CPA6: variants seen among roughly 807,000 people sequenced by gnomAD.
CPA6 encodes the protein carboxypeptidase A6.
A neutral mutation model predicts 63.3 loss-of-function variants in CPA6; 58 were observed. The ratio of observed to expected loss-of-function variants is 0.92; its 90% confidence interval spans 0.74 to 1.14. The LOEUF (loss-of-function observed/expected upper bound fraction) is 1.14, where lower values mean the gene tolerates loss of function less well. Ranked by LOEUF, CPA6 falls within the 50% of genes most tolerant of loss-of-function variation. The pLI is 0.00. For synonymous variants in CPA6, 185 were observed against 179.0 expected (o/e 1.03, Z -0.27); for missense variants, 565 against 526.6 (o/e 1.07, Z -0.71).
intron 8 of CPA6, among the ~76,000 whole-genome samples, chr8:67,471,240 G>A (rs1275773737): frequency 1.3e-5 from 2 of 151,942 alleles, no homozygotes; most frequent in Admixed American, 6.6e-5. Context: ...CCTCCCAAGC[G>A]TCATCAGGGT....
chr8:67,724,092 A>C (rs953299936), intron 1 of CPA6, among the ~76,000 whole-genome samples: 5 of 152,108 alleles, frequency 3.3e-5, no homozygotes, highest in Non-Finnish European at 7.3e-5. Flanking sequence ...AAAAAAACCC[A>C]AAAATGAGCA....
chr8:67,653,401 A>G (rs1259102710), intron 1 of CPA6, among the ~76,000 whole-genome samples: 2 of 151,690 alleles, frequency 1.3e-5, no homozygotes, highest in Non-Finnish European at 2.9e-5. Flanking sequence ...ATTTGTTTGT[A>G]TCCTCTTTTA....
chr8:67,685,509 C>A (rs1313677503), intron 1 of CPA6, among the ~76,000 whole-genome samples: 1 of 152,166 alleles, frequency 6.6e-6, no homozygotes, highest in African/African-American at 2.4e-5. Flanking sequence ...GTTCCAGCTA[C>A]TAGGGAGGCT....
chr8:67,661,876 G>T (rs147922493), intron 1 of CPA6, among the ~76,000 whole-genome samples: 2 of 152,140 alleles, frequency 1.3e-5, no homozygotes, highest in African/African-American at 4.8e-5. Flanking sequence ...GTCTTTCTGC[G>T]TCTAGTTTAC....
At chr8:67,612,590 TA>T (rs754036359) in intron 2 of CPA6, among the ~76,000 whole-genome samples, 3 of 152,236 alleles carry the variant, frequency 2.0e-5, no homozygotes, top group African/African-American at 4.8e-5. Context: ...GATGATCAGA[TA>T]GCCTCAAAGC....
chr8:67,726,019 A>AT (rs1021675451), intron 1 of CPA6, among the ~76,000 whole-genome samples: 1 of 152,132 alleles, frequency 6.6e-6, no homozygotes, highest in African/African-American at 2.4e-5. Flanking sequence ...CAAATTTAAG[A>AT]TTTTTCAACA....
intron 1 of CPA6, among the ~76,000 whole-genome samples, chr8:67,713,129 A>G (rs1817306715): frequency 7.5e-6 from 1 of 133,758 alleles, no homozygotes; most frequent in African/African-American, 2.9e-5. Context: ...ATATATATAT[A>G]TATATATATA....
chr8:67,621,759 C>T (rs1815088381), intron 2 of CPA6, among the ~76,000 whole-genome samples: 1 of 152,206 alleles, frequency 6.6e-6, no homozygotes, highest in South Asian at 2.1e-4. Context: ...CTGCTCCCTT[C>T]TTTCTCACCA....
At chr8:67,538,670 T>C (rs1812640953) in intron 2 of CPA6, among the ~76,000 whole-genome samples, 2 of 152,172 alleles carry the variant, frequency 1.3e-5, no homozygotes, top group Non-Finnish European at 2.9e-5. Flanking sequence ...GTCTGTGTCT[T>C]TTTTTTCTTG....
chr8:67,596,821 T>C (rs746810510), intron 2 of CPA6, among the ~76,000 whole-genome samples: 1 of 152,226 alleles, frequency 6.6e-6, no homozygotes, highest in Non-Finnish European at 1.5e-5. Flanking sequence ...TTGTGTTTCA[T>C]GACCTTGACA....
intron 10 of CPA6, among the ~76,000 whole-genome samples, chr8:67,426,441 G>GT (rs796386851): frequency 8.4e-4 from 124 of 147,118 alleles, no homozygotes; most frequent in East Asian, 2.6e-3. Flanking sequence ...TTTAAATACA[G>GT]TTTTTTTTTT....
chr8:67,677,379 G>A (rs1330652888), intron 1 of CPA6, among the ~76,000 whole-genome samples: 2 of 142,202 alleles, frequency 1.4e-5, no homozygotes, highest in African/African-American at 2.7e-5. Flanking sequence ...TGCTGGAAAA[G>A]GGGAAGATAT....
At chr8:67,486,742 T>A (rs1811486100) in intron 6 of CPA6, among the ~76,000 whole-genome samples, 1 of 152,186 alleles carries the variant, frequency 6.6e-6, no homozygotes, top group South Asian at 2.1e-4. Flanking sequence ...AGAACTCAGC[T>A]CTGAGATCAT....
At chr8:67,526,129 T>G (rs989650177) in intron 2 of CPA6, among the ~76,000 whole-genome samples, 2 of 152,202 alleles carry the variant, frequency 1.3e-5, no homozygotes, top group Admixed American at 6.5e-5. Flanking sequence ...AACGACTTAT[T>G]ATGGAATTTG....
intron 2 of CPA6, among the ~76,000 whole-genome samples, chr8:67,539,910 C>T (rs1812668345): frequency 6.6e-6 from 1 of 152,114 alleles, no homozygotes; most frequent in Non-Finnish European, 1.5e-5. Context: ...AACTTTTTAT[C>T]AAGGTTCTTA....
intron 6 of CPA6, among the ~76,000 whole-genome samples, chr8:67,501,413 T>G (rs1811827932): frequency 6.6e-6 from 1 of 152,170 alleles, no homozygotes; most frequent in Admixed American, 6.5e-5. Context: ...ATGTTTATCT[T>G]GTATCCTGTT....
chr8:67,620,337 A>T (rs1033176509), intron 2 of CPA6, among the ~76,000 whole-genome samples: 6 of 152,162 alleles, frequency 3.9e-5, no homozygotes, highest in Non-Finnish European at 5.9e-5. Flanking sequence ...CATCAAAGGA[A>T]TGGCTGTCCC....
In CPA6 at chr8:67,654,597, TA is replaced by T. The variant is rs1275152574; in HGVS notation, c.117-30347del. Reference sequence around the variant, plus strand: ...GTGGGATCGGTGGTGATATCCCCTTTATCATTTTTTATTGTGTCTGTTTGAT... The same window carrying T: ...GTGGGATCGGTGGTGATATCCCCTTTTCATTTTTTATTGTGTCTGTTTGAT... On this transcript the variant is annotated intron_variant, in intron 1 of 10. Transcript: ENST00000297770. 2.0e-5 allele frequency among the ~76,000 whole-genome samples: 3 copies of T among 152,202 alleles called. No homozygotes were observed. The East Asian group carries it at 5.8e-4, about 29-fold the overall frequency.
At chr8:67,646,393 GC>G (rs1385487705) in intron 1 of CPA6, among the ~76,000 whole-genome samples, 1 of 152,178 alleles carries the variant, frequency 6.6e-6, no homozygotes, top group African/African-American at 2.4e-5. Flanking sequence ...AGCCTGCACT[GC>G]TAGACATTCA....
Sources: gnomAD v4.1 joint callset for allele counts (sites outside exome capture counted in the v4.1 genomes callset) on GRCh38, gnomAD v4.1.1 for gene constraint, MANE v1.5 for transcripts, NCBI Gene and HGNC (gene_info 2026-07-23, HGNC 2026-07-21) for gene names.